ADARB2: variants seen among roughly 807,000 people sequenced by gnomAD.
ADARB2 encodes the protein adenosine deaminase RNA specific B2 (inactive).
In ADARB2, 25 loss-of-function variants were observed where a neutral mutation model predicts 62.2. That is an observed-to-expected ratio of 0.40 (90% confidence interval 0.29 to 0.56). The LOEUF is 0.56. Ranked by LOEUF, ADARB2 falls within the 20% of genes least tolerant of loss-of-function variation. The pLI is 0.43. For missense variants in ADARB2, 1,071 were observed against 1,077.4 expected (o/e 0.99, Z 0.08); for synonymous variants, 572 against 500.8 (o/e 1.14, Z -1.90).
chr10:1,455,110 A>G (rs1831082120), intron 1 of ADARB2, among the ~76,000 whole-genome samples: 1 of 152,198 alleles, frequency 6.6e-6, no homozygotes, highest in Non-Finnish European at 1.5e-5. Context: ...TTTCCCAGGT[A>G]CAGTTTATTT....
At chr10:1,395,692 C>T (rs544723285) in intron 1 of ADARB2, among the ~76,000 whole-genome samples, 29 of 152,316 alleles carry the variant, frequency 1.9e-4, no homozygotes, top group African/African-American at 5.5e-4. Context: ...ATCCCGGCGT[C>T]GCAGACCATC....
chr10:1,273,895 G>A (rs1195245042), intron 3 of ADARB2, among the ~76,000 whole-genome samples: 3 of 152,186 alleles, frequency 2.0e-5, no homozygotes, highest in Non-Finnish European at 4.4e-5. Flanking sequence ...ACCGGGTGAC[G>A]GGTGGGACCT....
chr10:1,518,930 G>C (rs1832040139), intron 1 of ADARB2, among the ~76,000 whole-genome samples: 1 of 151,824 alleles, frequency 6.6e-6, no homozygotes, highest in Admixed American at 6.6e-5. Context: ...TGTAACATCT[G>C]TATATGGTGT....
chr10:1,675,107 T>C (rs1342738461), intron 1 of ADARB2: 20 of 983,578 alleles, frequency 2.0e-5, no homozygotes, highest in Non-Finnish European at 2.4e-5. Flanking sequence ...TTCTGGAGGT[T>C]TGGGTTGCGG....
chr10:1,474,860 G>A (rs1383329528), intron 1 of ADARB2, among the ~76,000 whole-genome samples: 3 of 152,314 alleles, frequency 2.0e-5, no homozygotes, highest in South Asian at 4.1e-4. Flanking sequence ...CTTCAGAAAG[G>A]CAAGGATGCT....
At chr10:1,405,742 C>G (rs1318679399) in intron 1 of ADARB2, among the ~76,000 whole-genome samples, 1 of 151,774 alleles carries the variant, frequency 6.6e-6, no homozygotes, top group Non-Finnish European at 1.5e-5. Flanking sequence ...CACCAAGATA[C>G]ACCCATTTAT....
At chr10:1,276,588 G>A (rs982143581) in intron 3 of ADARB2, among the ~76,000 whole-genome samples, 19 of 152,226 alleles carry the variant, frequency 1.2e-4, no homozygotes, top group African/African-American at 4.6e-4. Flanking sequence ...CAATACAGGA[G>A]CACCCAGATT....
intron 1 of ADARB2, among the ~76,000 whole-genome samples, chr10:1,607,856 CG>C (rs1410250414): frequency 6.6e-6 from 1 of 152,304 alleles, no homozygotes; most frequent in Non-Finnish European, 1.5e-5. Flanking sequence ...CTCCAGGCCT[CG>C]CATGAACTTT....
chr10:1,407,855 G>A (rs900589015), intron 1 of ADARB2, among the ~76,000 whole-genome samples: 2 of 152,352 alleles, frequency 1.3e-5, no homozygotes, highest in African/African-American at 2.4e-5. Context: ...TCTGTGGGGG[G>A]AACTGGGCAG....
intron 1 of ADARB2, among the ~76,000 whole-genome samples, chr10:1,385,888 G>C (rs1259240505): frequency 6.6e-6 from 1 of 152,098 alleles, no homozygotes; most frequent in Non-Finnish European, 1.5e-5. Context: ...AAAGTAGCCA[G>C]AGAAACAGGA....
At chr10:1,435,136 G>C (rs965494546) in intron 1 of ADARB2, among the ~76,000 whole-genome samples, 23 of 152,248 alleles carry the variant, frequency 1.5e-4, no homozygotes, top group African/African-American at 5.5e-4. Context: ...GCCCGAGGCC[G>C]GCTGTGCCTC....
chr10:1,207,821 A>AT (rs1837089650), intron 7 of ADARB2, among the ~76,000 whole-genome samples: 1 of 152,212 alleles, frequency 6.6e-6, no homozygotes, highest in Non-Finnish European at 1.5e-5. Context: ...GGAGATTTAG[A>AT]TTTTTTATAT....
At chr10:1,403,839 C>T (rs1317338769) in intron 1 of ADARB2, among the ~76,000 whole-genome samples, 1 of 152,230 alleles carries the variant, frequency 6.6e-6, no homozygotes, top group Non-Finnish European at 1.5e-5. Context: ...CATTGTAGTG[C>T]TCCTACAGTC....
chr10:1,213,120 A>T (rs1325299500), intron 7 of ADARB2, among the ~76,000 whole-genome samples: 2 of 152,104 alleles, frequency 1.3e-5, no homozygotes, highest in Admixed American at 6.6e-5. Flanking sequence ...ACAGCCAGGG[A>T]GGAGGATGAG....
intron 3 of ADARB2, among the ~76,000 whole-genome samples, chr10:1,338,788 T>A (rs1041200023): frequency 6.6e-6 from 1 of 152,138 alleles, no homozygotes; most frequent in African/African-American, 2.4e-5. Flanking sequence ...CCCCTTCTTC[T>A]CCATCAGCCA....
intron 1 of ADARB2, among the ~76,000 whole-genome samples, chr10:1,621,152 G>A (rs2132026866): frequency 6.6e-6 from 1 of 152,244 alleles, no homozygotes; most frequent in African/African-American, 2.4e-5. Context: ...AATCATTCAA[G>A]GCATCCAGCA....
intron 1 of ADARB2, among the ~76,000 whole-genome samples, chr10:1,612,804 G>A (rs1477586808): frequency 1.3e-5 from 2 of 152,188 alleles, no homozygotes; most frequent in Non-Finnish European, 2.9e-5. Context: ...GTATAAGCAG[G>A]TACATAATAT....
At chr10:1,615,962 G>T (rs759766723) in intron 1 of ADARB2, among the ~76,000 whole-genome samples, 12 of 152,186 alleles carry the variant, frequency 7.9e-5, no homozygotes, top group Non-Finnish European at 1.6e-4. Flanking sequence ...ACTGAAAATT[G>T]GATTCTACTA....
chr10:1,377,505 GGT>G (rs1354423044), intron 2 of ADARB2, among the ~76,000 whole-genome samples: 2 of 138,240 alleles, frequency 1.4e-5, no homozygotes, highest in African/African-American at 5.4e-5. Context: ...GCGCTCCTGG[GGT>G]GTGTGTTTGT....
Sources: gnomAD v4.1 joint callset for allele counts (sites outside exome capture counted in the v4.1 genomes callset) on GRCh38, gnomAD v4.1.1 for gene constraint, MANE v1.5 for transcripts, NCBI Gene and HGNC (gene_info 2026-07-23, HGNC 2026-07-21) for gene names.